Variants in DNAJC21 observed in about 807,000 individuals in gnomAD.
DNAJC21 encodes DnaJ heat shock protein family (Hsp40) member C21.
Under a neutral mutation model 72.4 loss-of-function variants are expected in DNAJC21, and 63 were observed. The observed-to-expected ratio is 0.87, with a 90% CI of 0.71 to 1.07. The LOEUF is 1.07. DNAJC21 is among the 50% of genes least tolerant of loss of function. DNAJC21 has a pLI of 0.00. For synonymous variants in DNAJC21, 203 were observed against 216.7 expected (o/e 0.94, Z 0.56); for missense variants, 634 against 644.8 (o/e 0.98, Z 0.18).
rs543254342 is a variant in DNAJC21, at chr5:34,938,051, G to C, written c.743+421G>C. 2.7e-3 allele frequency among the ~76,000 whole-genome samples: 408 copies of C among 152,274 alleles called. 2 individuals are homozygous for C. Among genetic ancestry groups the C allele is most frequent in the African/African-American group, 9.1e-3 (378 of 41,556 alleles). ...GGCCTCAAGCGATCTGCCCGCCTCAGCCTCCCAAAGTGCTGGAATTACAGG... is the reference window on the plus strand; with the variant it reads ...GGCCTCAAGCGATCTGCCCGCCTCACCCTCCCAAAGTGCTGGAATTACAGG... On this transcript the variant is annotated intron_variant, in intron 5 of 11. Coordinates refer to ENST00000648817, the MANE Select transcript of DNAJC21 (RefSeq NM_001012339.3).
chr5:34,939,039 T>C (rs1764896107), intron 6 of DNAJC21, 30 bp downstream of exon 6: 2 of 1,475,808 alleles, frequency 1.4e-6, no homozygotes, highest in Non-Finnish European at 1.8e-6. Context: ...ATTTATCTTT[T>C]TTGTTTTTTA....
intron 7 of DNAJC21, 103 bp downstream of exon 7, chr5:34,941,286 C>G (rs2112055890): frequency 2.0e-6 from 2 of 1,020,974 alleles, no homozygotes; most frequent in East Asian, 2.6e-5. Context: ...CAGCCTCGAC[C>G]TGTTGAACTC....
At position 34,956,052 on chromosome 5, in the gene DNAJC21, CAAAAAAAAAAA is replaced by C. The variant is rs372749678; in HGVS notation, c.*1351_*1361del. ...TGGGCGACAGAGCGAGACTCCGTCT[CAAAAAAAAAAA>C]AAAAAAAAAAAAGAAAGTAATTTTA... On this transcript the variant is annotated 3_prime_UTR_variant, in exon 12 of 12. Coordinates refer to ENST00000648817, the MANE Select transcript of DNAJC21 (RefSeq NM_001012339.3). The C allele has an allele frequency of 1.8e-5, 1 of 54,770 alleles. No individual in the cohort carries two copies. Among genetic ancestry groups the C allele is most frequent in the East Asian group, 5.3e-4 (1 of 1,892 alleles). The allele number at this position is 54,770 out of a possible 1,614,324, so 3.4% of individuals were successfully genotyped here.
At chr5:34,931,765 AGGGCCCAAGCCAGGCTT>A (rs1480339221) in intron 1 of DNAJC21, among the ~76,000 whole-genome samples, 10 of 152,124 alleles carry the variant, frequency 6.6e-5, no homozygotes, top group Admixed American at 6.5e-4. Context: ...CAGACAGGTA[AGGGCCCAAGCCAGGCTT>A]GGGGTCAGCG....
chr5:34,934,904 C>T (rs1482958462), intron 2 of DNAJC21, among the ~76,000 whole-genome samples: 1 of 152,224 alleles, frequency 6.6e-6, no homozygotes, highest in African/African-American at 2.4e-5. Flanking sequence ...CATTTCTCTA[C>T]TCAAGGAATT....
At chr5:34,949,768 A>G (rs915402350) in intron 9 of DNAJC21, 6 of 1,553,784 alleles carry the variant, frequency 3.9e-6, no homozygotes, top group African/African-American at 2.7e-5. Context: ...ATAGTTGCTC[A>G]TTGCTTATCA....
In DNAJC21 at chr5:34,944,831, T is replaced by C; in HGVS notation, c.984-36T>C. On this transcript the variant is annotated intron_variant, in intron 7 of 11. Transcript: ENST00000648817. The stretch of plus-strand genomic sequence containing the variant: ...ACATTATCTGGACACGTGAACTAAT[T>C]TTAGCGCAGCTGCTCACGTCAGATT... 3.1e-6 allele frequency: 5 copies of C among 1,609,584 alleles called. No individual in the cohort carries two copies. The South Asian group carries it at 5.6e-5, about 18-fold the overall frequency.
rs765493970 is a variant in DNAJC21, at chr5:34,929,929, C to G, written c.97+13C>G. Reference sequence around the variant, plus strand: ...AAATGGCACCCGGGTAAGTACCTGTCCCGCAGCCCCCGCGGCCACTCGGAG... The same window carrying G: ...AAATGGCACCCGGGTAAGTACCTGTGCCGCAGCCCCCGCGGCCACTCGGAG... On this transcript the variant is annotated intron_variant, in intron 1 of 11. Coordinates refer to ENST00000648817, the MANE Select transcript of DNAJC21 (RefSeq NM_001012339.3). 6.5e-7 allele frequency: 1 copy of G among 1,548,754 alleles called. No homozygotes were observed. Among genetic ancestry groups the G allele is most frequent in the East Asian group, 2.5e-5 (1 of 39,470 alleles).
intron 10 of DNAJC21, chr5:34,953,633 A>C (rs1452357018): frequency 3.7e-6 from 1 of 271,906 alleles, no homozygotes; most frequent in Non-Finnish European, 6.9e-6. Flanking sequence ...TAAAACATTT[A>C]TCTCTGTATA....
intron 2 of DNAJC21, among the ~76,000 whole-genome samples, chr5:34,935,287 C>G (rs1439886678): frequency 6.6e-6 from 1 of 152,194 alleles, no homozygotes. Context: ...GTGTGTGAAG[C>G]TCCTAGATTA....
rs62356987 is a variant in DNAJC21 at position 34,930,235 on chromosome 5, T to C, written c.97+319T>C. 189 of 186,510 alleles carry C rather than the reference T, an allele frequency of 1.0e-3. No homozygotes were observed. In the East Asian group the frequency reaches 0.021, roughly 21 times the overall value. 11.6% of individuals were successfully genotyped at this position (186,510 alleles called of 1,614,324 possible). A position where few individuals can be genotyped will look rare whatever the true frequency, so the allele number is the denominator to read the frequency against. ...GGTCGCAGACACCACGAGGGAGCAG[T>C]CGGGAACTCGGAACTCAGACCTGCC... On this transcript the variant is annotated intron_variant, in intron 1 of 11. Transcript: ENST00000648817.
rs1764893867 is a variant in DNAJC21 at position 34,939,011 on chromosome 5, T to A, written c.895+2T>A. ...ATGAACTCAAAGATGAGGAGGATGG[T>A]AATATTATTTTTATTTTATTTATCT... On this transcript the variant is annotated splice_donor_variant, in intron 6 of 11. Transcript: ENST00000648817. LOFTEE classifies it high-confidence loss of function. 6.5e-7 allele frequency: 1 copy of A among 1,544,222 alleles called. No homozygotes were observed. The highest frequency in any genetic ancestry group is 8.7e-7 in the Non-Finnish European group (1 of 1,150,784).
intron 7 of DNAJC21, among the ~76,000 whole-genome samples, chr5:34,942,462 A>G (rs1765026114): frequency 6.6e-6 from 1 of 152,212 alleles, no homozygotes; most frequent in Non-Finnish European, 1.5e-5. Context: ...GTATTACCAT[A>G]TGACCTCAGG....
intron 10 of DNAJC21, 136 bp from the exon 11 acceptor site, chr5:34,953,790 T>G: frequency 2.1e-6 from 1 of 467,740 alleles, no homozygotes; most frequent in African/African-American, 2.0e-5. Flanking sequence ...TAAAGATTAT[T>G]TAAATTGCCT....
intron 8 of DNAJC21, among the ~76,000 whole-genome samples, 194 bp from the exon 9 acceptor site, chr5:34,945,567 A>G (rs372786509): frequency 2.6e-5 from 4 of 152,174 alleles, no homozygotes; most frequent in African/African-American, 7.2e-5. Flanking sequence ...TATCCATTGA[A>G]CTACAGCCTT....
chr5:34,949,775 A>G, intron 9 of DNAJC21: 1 of 1,541,550 alleles, frequency 6.5e-7, no homozygotes, highest in East Asian at 2.3e-5. Flanking sequence ...CTCATTGCTT[A>G]TCATTTGGAA....
Position 34,929,767 on chromosome 5 carries a change from C to T in DNAJC21, c.-53C>T. ...CGCCGCCGCCGCTTCGGCCCGGGCC[C>T]GGGCCCCGACCCCGTCCCGGGCCCC... On this transcript the variant is annotated 5_prime_UTR_variant, in exon 1 of 12. Transcript: ENST00000648817. The T allele has an allele frequency of 5.0e-6, 5 of 1,005,430 alleles. No individual in the cohort carries two copies. The highest frequency in any genetic ancestry group is 6.1e-6 in the Non-Finnish European group (5 of 818,858). 62.3% of individuals were successfully genotyped at this position (1,005,430 alleles called of 1,614,324 possible). A position where few individuals can be genotyped will look rare whatever the true frequency, so the allele number is the denominator to read the frequency against.
chr5:34,949,415 C>G (rs1765280424), intron 9 of DNAJC21: 9 of 1,435,220 alleles, frequency 6.3e-6, no homozygotes, highest in Admixed American at 2.2e-5. Context: ...GATTACACCC[C>G]CTATCCTGTA....
chr5:34,950,452 G>T, intron 10 of DNAJC21, 110 bp downstream of exon 10: 1 of 1,458,118 alleles, frequency 6.9e-7, no homozygotes. Context: ...AGGTAATTTA[G>T]ATGTATCTGT....
Sources: allele counts gnomAD v4.1 joint callset (sites outside exome capture counted in the v4.1 genomes callset), GRCh38; gene constraint gnomAD v4.1.1; transcripts MANE v1.5; gene names NCBI Gene and HGNC (gene_info 2026-07-23, HGNC 2026-07-21).